Variants in MAF observed in about 807,000 individuals in gnomAD.
MAF encodes the protein transcription factor Maf.
MAF carries 10 observed loss-of-function variants against 22.0 expected under a neutral mutation model. The ratio of observed to expected loss-of-function variants is 0.45; its 90% confidence interval spans 0.28 to 0.77. The LOEUF is 0.77. Ranked by LOEUF, MAF falls within the 30% of genes least tolerant of loss-of-function variation. MAF has a pLI of 0.12. For synonymous variants in MAF, 337 were observed against 255.8 expected (o/e 1.32, Z -3.03); for missense variants, 544 against 548.4 (o/e 0.99, Z 0.08).
At chr16:79,332,520 A>T in the MAF span, among the ~76,000 whole-genome samples, 4 of 152,200 alleles carry the variant, frequency 2.6e-5, no homozygotes, top group Admixed American at 6.5e-5. Flanking sequence ...GGCTGGCTTC[A>T]AACTCCTGAC....
the MAF span, among the ~76,000 whole-genome samples, chr16:79,330,311 C>T: frequency 6.6e-6 from 1 of 152,218 alleles, no homozygotes; most frequent in South Asian, 2.1e-4. Context: ...GAAACTAAAG[C>T]TCCAAACCCC....
At chr16:79,523,372 C>T in the MAF span, among the ~76,000 whole-genome samples, 1 of 152,194 alleles carries the variant, frequency 6.6e-6, no homozygotes, top group African/African-American at 2.4e-5. Context: ...GACCAGACTT[C>T]AGTATAGGAA....
the MAF span, among the ~76,000 whole-genome samples, chr16:79,324,078 A>G: frequency 1.3e-5 from 2 of 152,200 alleles, no homozygotes; most frequent in Non-Finnish European, 2.9e-5. Context: ...GCATGCTCTC[A>G]GTAAAGGTTA....
the MAF span, among the ~76,000 whole-genome samples, chr16:79,284,495 G>A: frequency 7.3e-4 from 111 of 152,256 alleles, no homozygotes; most frequent in Non-Finnish European, 1.4e-3. Context: ...CATTGCAGAC[G>A]CCTAACATAA....
rs751295454 is a variant in MAF, at chr16:79,598,821, G to A, written c.1082C>T (p.Ser361Leu). ...GGGAGAGGACGGGTTGTCGCTGCTC[G>A]AGCCGTTTTCTCGGAAGCCGCTGCT... Reference protein sequence around the residue: ...LVSSGFRENGSSSDNPSSPEF... With the variant: ...LVSSGFRENGLSSDNPSSPEF... The change falls in exon 1 of 2, where the codon TCG (serine) becomes TTG (leucine). Residue 361 changes from serine to leucine, a missense_variant. Physicochemically the swap from Ser to Leu is moderately radical, Grantham distance 145. Around this residue, in one of 5 missense-constraint regions of MAF, gnomAD observed 129 missense variants for 113.6 expected, o/e 1.14. Coordinates refer to ENST00000326043, the MANE Select transcript of MAF (RefSeq NM_005360.5). 1 of 1,613,702 alleles carries A rather than the reference G, an allele frequency of 6.2e-7. No individual in the cohort carries two copies. Among genetic ancestry groups the A allele is most frequent in the African/African-American group, 1.3e-5 (1 of 74,818 alleles).
chr16:79,333,839 G>A, the MAF span, among the ~76,000 whole-genome samples: 82 of 152,098 alleles, frequency 5.4e-4, no homozygotes, highest in East Asian at 0.015. Context: ...CATCACACAC[G>A]GAAACCTATC....
the MAF span, among the ~76,000 whole-genome samples, chr16:79,363,545 C>A: frequency 6.6e-6 from 1 of 152,310 alleles, no homozygotes; most frequent in East Asian, 1.9e-4. Context: ...TGGATGGGCA[C>A]TGGAAGCGTG....
chr16:79,320,896 T>G, the MAF span, among the ~76,000 whole-genome samples: 2 of 152,174 alleles, frequency 1.3e-5, no homozygotes. Flanking sequence ...TATTTTCCTT[T>G]TAAAGATGAG....
At chr16:79,589,635 G>C (rs1417329071), downstream of MAF, among the ~76,000 whole-genome samples, 2 of 152,198 alleles carry the variant, frequency 1.3e-5, no homozygotes, top group Non-Finnish European at 2.9e-5. Flanking sequence ...GTGAAGGGCG[G>C]AGCCTTGCGG....
chr16:79,392,464 G>A, the MAF span, among the ~76,000 whole-genome samples: 3 of 148,452 alleles, frequency 2.0e-5, no homozygotes, highest in South Asian at 4.3e-4. Context: ...AGGGAAGGGA[G>A]TGATGAGAGA....
At chr16:79,358,461 A>C in the MAF span, among the ~76,000 whole-genome samples, 1 of 152,148 alleles carries the variant, frequency 6.6e-6, no homozygotes, top group African/African-American at 2.4e-5. Context: ...AAGGCAGCCC[A>C]GCAGAGCTAC....
the MAF span, among the ~76,000 whole-genome samples, chr16:79,233,048 G>C: frequency 2.6e-5 from 4 of 151,740 alleles, no homozygotes; most frequent in African/African-American, 7.3e-5. Flanking sequence ...CACCGTGTTA[G>C]CCAGGATGGT....
chr16:79,348,760 A>G, the MAF span, among the ~76,000 whole-genome samples: 1 of 152,228 alleles, frequency 6.6e-6, no homozygotes, highest in Non-Finnish European at 1.5e-5. Context: ...TGTTTTGAAA[A>G]GCAATTCTAG....
At chr16:79,314,169 A>T in the MAF span, among the ~76,000 whole-genome samples, 1 of 152,138 alleles carries the variant, frequency 6.6e-6, no homozygotes, top group African/African-American at 2.4e-5. Flanking sequence ...GTTATTAATA[A>T]ATCCATGGCA....
chr16:79,374,045 C>CATAA, the MAF span, among the ~76,000 whole-genome samples: 1 of 152,048 alleles, frequency 6.6e-6, no homozygotes, highest in Non-Finnish European at 1.5e-5. Context: ...TGGTTTGGCC[C>CATAA]AACAATCAAA....
the MAF span, among the ~76,000 whole-genome samples, chr16:79,227,891 C>A: frequency 6.6e-6 from 1 of 152,072 alleles, no homozygotes; most frequent in African/African-American, 2.4e-5. Context: ...TTCTTGGAAT[C>A]TGAGAATAAT....
chr16:79,330,166 G>T, the MAF span, among the ~76,000 whole-genome samples: 1 of 152,150 alleles, frequency 6.6e-6, no homozygotes, highest in African/African-American at 2.4e-5. Context: ...GAGGGCAAAG[G>T]TTATCTACAC....
the MAF span, among the ~76,000 whole-genome samples, chr16:79,383,343 A>C: frequency 5.3e-5 from 8 of 152,188 alleles, no homozygotes; most frequent in Non-Finnish European, 7.3e-5. Context: ...AAAGATTCAC[A>C]GGGGAAAACT....
At chr16:79,515,244 C>A in the MAF span, among the ~76,000 whole-genome samples, 7 of 152,136 alleles carry the variant, frequency 4.6e-5, no homozygotes, top group African/African-American at 1.7e-4. Context: ...CCTAGTAGTC[C>A]CTGATAATTG....
Sources: gnomAD v4.1 joint callset for allele counts (sites outside exome capture counted in the v4.1 genomes callset) on GRCh38, gnomAD v4.1.1 for gene constraint, gnomAD v4.1.1 regional missense constraint, MANE v1.5 for transcripts, NCBI Gene and HGNC (gene_info 2026-07-23, HGNC 2026-07-21) for gene names.